The following CRY1 variants were observed in gnomAD, a reference collection of about 807,000 sequenced individuals.
CRY1 encodes the protein cryptochrome circadian regulator 1, also known as cryptochrome-1.
In CRY1, 45 loss-of-function variants were observed where a neutral mutation model predicts 76.0. The observed-to-expected ratio is 0.59, with a 90% confidence interval of 0.47 to 0.76. The LOEUF is 0.76. Among genes scored for constraint, CRY1 ranks in the 30% least tolerant of loss-of-function variants. The probability of loss-of-function intolerance (pLI) is 0.00; values close to 1 mark genes in which losing one functional copy is unlikely to be tolerated. For missense variants in CRY1, 587 were observed against 716.4 expected (o/e 0.82, Z 2.06); for synonymous variants, 248 against 244.0 (o/e 1.02, Z -0.15).
At chr12:106,999,920 A>G (rs1462326840) in intron 6 of CRY1, 22 bp downstream of exon 6, 1 of 1,592,300 alleles carries the variant, frequency 6.3e-7, no homozygotes, top group East Asian at 2.2e-5. Flanking sequence ...ATTAAACAAT[A>G]AGCTCTAATT....
intron 2 of CRY1, among the ~76,000 whole-genome samples, chr12:107,014,413 A>G (rs1952476383): frequency 6.6e-6 from 1 of 152,210 alleles, no homozygotes; most frequent in African/African-American, 2.4e-5. Flanking sequence ...GAAAAAAAGC[A>G]CAAGTATATC....
chr12:107,060,408 G>A (rs1278492149), intron 1 of CRY1, among the ~76,000 whole-genome samples: 4 of 152,062 alleles, frequency 2.6e-5, no homozygotes, highest in Non-Finnish European at 4.4e-5. Flanking sequence ...TGGGATGATG[G>A]GGCAAGAAGG....
At chr12:107,024,299 C>T (rs1194272306) in intron 1 of CRY1, among the ~76,000 whole-genome samples, 1 of 152,036 alleles carries the variant, frequency 6.6e-6, no homozygotes, top group Non-Finnish European at 1.5e-5. Context: ...AAGAAACAAA[C>T]CAAAAGGACA....
intron 1 of CRY1, among the ~76,000 whole-genome samples, chr12:107,028,856 A>G (rs900001860): frequency 1.3e-5 from 2 of 152,026 alleles, no homozygotes; most frequent in African/African-American, 2.4e-5. Context: ...GAAAGTTCAG[A>G]AAAAAAAGCA....
At chr12:107,013,508 T>A (rs1203937681) in intron 2 of CRY1, among the ~76,000 whole-genome samples, 1 of 152,254 alleles carries the variant, frequency 6.6e-6, no homozygotes, top group African/African-American at 2.4e-5. Context: ...TGCTTTATTG[T>A]GATGTTTGCT....
In CRY1 at chr12:107,093,239, A is replaced by T. The variant is rs1191502782; in HGVS notation, c.-278T>A. 2.6e-6 allele frequency: 1 copy of T among 386,306 alleles called. No homozygotes were observed. Among genetic ancestry groups the T allele is most frequent in the Non-Finnish European group, 4.6e-6 (1 of 216,964 alleles). 23.9% of individuals were successfully genotyped at this position (386,306 alleles called of 1,614,324 possible). A position where few individuals can be genotyped will look rare whatever the true frequency, so the allele number is the denominator to read the frequency against. Reference sequence around the variant, plus strand: ...CCGCAACCGCCTGGAGGCGACGCATAACTTCGAGGGCCTCGGACCTCCGGA... The same window carrying T: ...CCGCAACCGCCTGGAGGCGACGCATTACTTCGAGGGCCTCGGACCTCCGGA... On this transcript the variant is annotated 5_prime_UTR_variant, in exon 1 of 13. Coordinates refer to ENST00000008527, the MANE Select transcript of CRY1 (RefSeq NM_004075.5).
intron 1 of CRY1, among the ~76,000 whole-genome samples, chr12:107,025,681 A>T (rs1290968453): frequency 6.6e-6 from 1 of 152,152 alleles, no homozygotes; most frequent in African/African-American, 2.4e-5. Context: ...CTTAAAATAG[A>T]TCTGCCTACT....
chr12:107,026,908 G>C (rs1413223389), intron 1 of CRY1, among the ~76,000 whole-genome samples: 1 of 151,784 alleles, frequency 6.6e-6, no homozygotes, highest in Non-Finnish European at 1.5e-5. Flanking sequence ...AACTTCATCT[G>C]AATGTGACTT....
At chr12:107,001,514 G>T in intron 4 of CRY1, 146 bp from the exon 5 acceptor site, 1 of 722,620 alleles carries the variant, frequency 1.4e-6, no homozygotes. Flanking sequence ...CTCACCTATA[G>T]AGGATATGAC....
rs542418653 is a variant in CRY1, at chr12:107,029,569, T to C, written c.159-7377A>G. Among the ~76,000 whole-genome samples the C allele has an allele frequency of 4.9e-4, 72 of 147,284 alleles. No individual in the cohort carries two copies. In the Middle Eastern group the frequency reaches 0.011, roughly 22 times the overall value. On this transcript the variant is annotated intron_variant, in intron 1 of 12. Transcript: ENST00000008527. ...TGGCTGTAATCATGCCACTGCACAC[T>C]GTACTCCAGCCTGGGCGACAGAGTG...
At chr12:107,036,884 C>T (rs1429085941) in intron 1 of CRY1, among the ~76,000 whole-genome samples, 2 of 152,084 alleles carry the variant, frequency 1.3e-5, no homozygotes, top group Non-Finnish European at 2.9e-5. Context: ...TCTCTCTGAC[C>T]ATCTTATCTA....
intron 1 of CRY1, among the ~76,000 whole-genome samples, chr12:107,051,359 T>C (rs7294953): frequency 0.48 from 73,559 of 152,024 alleles, 19,273 homozygotes; most frequent in East Asian, 0.72. Flanking sequence ...GTCCTTTTTA[T>C]GGTAAAATAT....
At chr12:107,081,647 C>T (rs1480625388) in intron 1 of CRY1, among the ~76,000 whole-genome samples, 1 of 152,036 alleles carries the variant, frequency 6.6e-6, no homozygotes, top group Non-Finnish European at 1.5e-5. Context: ...ATTTAAGAGG[C>T]AACTTCTCTT....
chr12:107,053,050 T>C (rs1401091870), intron 1 of CRY1, among the ~76,000 whole-genome samples: 4 of 152,172 alleles, frequency 2.6e-5, no homozygotes, highest in African/African-American at 7.2e-5. Flanking sequence ...GGATACATTT[T>C]GAAGGCAGAG....
chr12:107,032,029 G>A (rs367994922), intron 1 of CRY1, among the ~76,000 whole-genome samples: 2 of 152,196 alleles, frequency 1.3e-5, no homozygotes, highest in African/African-American at 4.8e-5. Flanking sequence ...CCACCTCCCG[G>A]GTTCAAGCGA....
chr12:107,089,638 G>T (rs1465419407), intron 1 of CRY1, among the ~76,000 whole-genome samples: 4 of 152,134 alleles, frequency 2.6e-5, no homozygotes, highest in Admixed American at 6.5e-5. Context: ...AGTCTAAAAA[G>T]TGTTGACCGA....
chr12:107,005,580 A>AACC (rs1238373137), intron 2 of CRY1, among the ~76,000 whole-genome samples: 2 of 152,186 alleles, frequency 1.3e-5, no homozygotes, highest in African/African-American at 4.8e-5. Context: ...AACAACACTC[A>AACC]GAGTTTGGCA....
intron 1 of CRY1, chr12:107,049,807 C>T (rs1952897081): frequency 6.6e-6 from 1 of 152,130 alleles, no homozygotes; most frequent in South Asian, 2.1e-4. Flanking sequence ...TCAGCCACTT[C>T]CAGAAGTAGA....
At chr12:107,090,293 A>T (rs1020472072) in intron 1 of CRY1, among the ~76,000 whole-genome samples, 4 of 152,050 alleles carry the variant, frequency 2.6e-5, no homozygotes, top group African/African-American at 9.7e-5. Context: ...GGGTTTTGCC[A>T]TATTGGCCAG....
Sources: gnomAD v4.1 joint callset for allele counts (sites outside exome capture counted in the v4.1 genomes callset) on GRCh38, gnomAD v4.1.1 for gene constraint, MANE v1.5 for transcripts, NCBI Gene and HGNC (gene_info 2026-07-23, HGNC 2026-07-21) for gene names.